The following SLFN12L variants were observed in gnomAD, a reference collection of about 807,000 sequenced individuals.
The protein encoded by SLFN12L is schlafen family member 12 like, also known as schlafen family member 12-like.
SLFN12L carries 34 observed loss-of-function variants against 34.8 expected under a neutral mutation model. The observed-to-expected ratio is 0.98, with a 90% confidence interval of 0.74 to 1.30. SLFN12L has a LOEUF of 1.30. Ranked by LOEUF, SLFN12L falls within the 50% of genes most tolerant of loss-of-function variation. SLFN12L has a pLI of 0.00. For missense variants in SLFN12L, 703 were observed against 696.2 expected, an observed-to-expected ratio of 1.01 and a Z score of -0.11; for synonymous variants, 259 against 247.5, an observed-to-expected ratio of 1.05 and a Z score of -0.44.
intron 4 of SLFN12L, 25 bp from the exon 5 acceptor site, chr17:35,475,510 T>A (rs1913960615): frequency 3.3e-6 from 5 of 1,531,560 alleles, no homozygotes; most frequent in Non-Finnish European, 4.4e-6. Flanking sequence ...AATGATAAAT[T>A]ATAAAAGACT....
At chr17:35,536,954 T>C (rs2072468108) in intron 1 of SLFN12L, among the ~76,000 whole-genome samples, 1 of 151,940 alleles carries the variant, frequency 6.6e-6, no homozygotes, top group Admixed American at 6.6e-5. Context: ...GGTGGGACGA[T>C]TACTTGAGGT....
At chr17:35,523,023 T>C (rs958750291) in intron 1 of SLFN12L, 54 bp from the exon 2 acceptor site, 21 of 409,664 alleles carry the variant, frequency 5.1e-5, no homozygotes, top group Non-Finnish European at 9.1e-5. Context: ...ATACTGATTA[T>C]GACAATTAGT....
At position 35,502,647 on chromosome 17, in the gene SLFN12L, C is replaced by T. The variant is rs1176555791; in HGVS notation, c.86+19632G>A. Among the ~76,000 whole-genome samples, 6 of 149,224 alleles carry T rather than the reference C, an allele frequency of 4.0e-5. No homozygotes were observed. The East Asian group carries it at 1.2e-3, about 29-fold the overall frequency. ...CAATTCTAAGTTAGTTTGGACTAAA[C>T]AAGGTCTTATTAATAGCAAAGGATA... is the stretch of plus-strand genomic sequence containing the variant. On this transcript the variant is annotated intron_variant, in intron 2 of 4. Transcript: ENST00000628453.
intron 2 of SLFN12L, among the ~76,000 whole-genome samples, chr17:35,496,500 G>T (rs1331167794): frequency 7.7e-6 from 1 of 129,144 alleles, no homozygotes; most frequent in African/African-American, 2.9e-5. Flanking sequence ...TCCTTCTTCC[G>T]ACTTCCCCCC....
At chr17:35,529,076 C>T (rs537055656) in intron 1 of SLFN12L, among the ~76,000 whole-genome samples, 1 of 152,234 alleles carries the variant, frequency 6.6e-6, no homozygotes, top group South Asian at 2.1e-4. Flanking sequence ...TTTATGCACC[C>T]AACAAACATA....
At chr17:35,494,114 T>A (rs1331254022) in intron 2 of SLFN12L, among the ~76,000 whole-genome samples, 1 of 152,068 alleles carries the variant, frequency 6.6e-6, no homozygotes, top group Non-Finnish European at 1.5e-5. Flanking sequence ...TCCTACGGGG[T>A]ACGTGATTTT....
chr17:35,503,231 T>C (rs1169110302), intron 2 of SLFN12L, among the ~76,000 whole-genome samples: 1 of 152,194 alleles, frequency 6.6e-6, no homozygotes, highest in Non-Finnish European at 1.5e-5. Flanking sequence ...CAAATGTTAG[T>C]TGTGTGTAAA....
intron 1 of SLFN12L, among the ~76,000 whole-genome samples, chr17:35,529,148 C>A (rs2072366391): frequency 6.6e-6 from 1 of 152,130 alleles, no homozygotes; most frequent in Admixed American, 6.5e-5. Flanking sequence ...CAATGAGATA[C>A]CATCTCATGC....
chr17:35,468,357 A>G lies in SLFN12L; in HGVS notation c.*6566T>C, dbSNP rs184618441. 6.6e-6 allele frequency among the ~76,000 whole-genome samples: 1 copy of G among 152,282 alleles called. No homozygotes were observed. The highest frequency in any genetic ancestry group is 1.9e-4 in the East Asian group (1 of 5,192). On this transcript the variant is annotated 3_prime_UTR_variant, in exon 5 of 5. Coordinates refer to ENST00000628453, the MANE Select transcript of SLFN12L (RefSeq NM_001363830.2). Reference sequence around the variant, plus strand: ...CTGTATTTACTTAAAAGAAATACTCAAGACCCATATCCTAGATGACATTTT... The same window carrying G: ...CTGTATTTACTTAAAAGAAATACTCGAGACCCATATCCTAGATGACATTTT...
At chr17:35,497,154 G>A (rs1185576107) in intron 2 of SLFN12L, among the ~76,000 whole-genome samples, 1 of 152,222 alleles carries the variant, frequency 6.6e-6, no homozygotes, top group Non-Finnish European at 1.5e-5. Context: ...ACTTTGGGAG[G>A]CCGAAGCGGG....
chr17:35,478,831 G>A (rs777640026), intron 3 of SLFN12L, among the ~76,000 whole-genome samples: 1 of 152,156 alleles, frequency 6.6e-6, no homozygotes, highest in Non-Finnish European at 1.5e-5. Flanking sequence ...AAAACGAAAA[G>A]AATTGAACAG....
At position 35,469,939 on chromosome 17, in the gene SLFN12L, G is replaced by C. The variant is rs902150112; in HGVS notation, c.*4984C>G. The C allele has an allele frequency of 6.6e-6, 1 of 152,212 alleles. No individual in the cohort carries two copies. The highest frequency in any genetic ancestry group is 2.4e-5 in the African/African-American group (1 of 41,426). 9.4% of individuals were successfully genotyped at this position (152,212 alleles called of 1,614,324 possible). ...CCCTAATAATAAAGGTTCCGAATTA[G>C]ATTTTCCCCTCACTTCTGCTCCTCT... is the stretch of plus-strand genomic sequence containing the variant. On this transcript the variant is annotated 3_prime_UTR_variant, in exon 5 of 5. Coordinates refer to ENST00000628453, the MANE Select transcript of SLFN12L (RefSeq NM_001363830.2).
At chr17:35,485,199 T>C (rs1209518745) in intron 2 of SLFN12L, among the ~76,000 whole-genome samples, 1 of 152,204 alleles carries the variant, frequency 6.6e-6, no homozygotes, top group Non-Finnish European at 1.5e-5. Flanking sequence ...TTCCTACATA[T>C]TTTGACTTTT....
At chr17:35,480,569 A>G (rs558411208) in intron 2 of SLFN12L, 6 of 169,728 alleles carry the variant, frequency 3.5e-5, no homozygotes, top group East Asian at 1.6e-4. Flanking sequence ...AGTCATGCAT[A>G]TTATTTCTTC....
At position 35,469,337 on chromosome 17, in the gene SLFN12L, TAA is replaced by T. The variant is rs879538847; in HGVS notation, c.*5584_*5585del. On this transcript the variant is annotated 3_prime_UTR_variant, in exon 5 of 5. Transcript: ENST00000628453. ...TATATTATATATATAAATATATATA[TAA>T]TATATATATATATGTATTTCAAACT... Among the ~76,000 whole-genome samples, 5,721 of 104,452 alleles carry T rather than the reference TAA, an allele frequency of 0.055. 164 individuals carry two copies. Among genetic ancestry groups the T allele is most frequent in the East Asian group, 0.17 (769 of 4,506 alleles). The allele number at this position is 104,452 out of a possible 152,430, so 68.5% of individuals were successfully genotyped here.
chr17:35,495,547 C>CGG (rs1915022698), intron 2 of SLFN12L, among the ~76,000 whole-genome samples: 1 of 152,152 alleles, frequency 6.6e-6, no homozygotes, highest in Non-Finnish European at 1.5e-5. Flanking sequence ...CCAAAACAAT[C>CGG]CCCCAGGGCA....
At chr17:35,503,614 G>C (rs1417877422) in intron 2 of SLFN12L, among the ~76,000 whole-genome samples, 1 of 151,920 alleles carries the variant, frequency 6.6e-6, no homozygotes, top group Non-Finnish European at 1.5e-5. Flanking sequence ...TAGTAGAAAG[G>C]CACCAAGGAC....
intron 2 of SLFN12L, among the ~76,000 whole-genome samples, chr17:35,489,129 C>A (rs980890820): frequency 2.0e-5 from 3 of 151,942 alleles, no homozygotes; most frequent in Admixed American, 1.3e-4. Context: ...CTGATTCTCA[C>A]GCCAGCTCTA....
chr17:35,508,926 T>C (rs576331841), intron 2 of SLFN12L, among the ~76,000 whole-genome samples: 20 of 152,306 alleles, frequency 1.3e-4, no homozygotes, highest in South Asian at 6.2e-4. Flanking sequence ...CTTGTAACAG[T>C]AGACCAAAAT....
Sources: allele counts gnomAD v4.1 joint callset (sites outside exome capture counted in the v4.1 genomes callset), GRCh38; gene constraint gnomAD v4.1.1; transcripts MANE v1.5; gene names NCBI Gene and HGNC (gene_info 2026-07-23, HGNC 2026-07-21).